The following TNIP1 variants were observed in gnomAD, a reference collection of about 807,000 sequenced individuals.
TNIP1 encodes TNFAIP3 interacting protein 1, also known as TNFAIP3-interacting protein 1.
In TNIP1, 22 loss-of-function variants were observed where a neutral mutation model predicts 86.6. That is an observed-to-expected ratio of 0.25 (90% CI 0.18 to 0.36). TNIP1 has a LOEUF of 0.36. Among genes scored for constraint, TNIP1 ranks in the 10% least tolerant of loss-of-function variants. The pLI is 1.00. For synonymous variants in TNIP1, 294 were observed against 313.0 expected (o/e 0.94, Z 0.64); for missense variants, 709 against 820.6 (o/e 0.86, Z 1.66).
intron 11 of TNIP1, among the ~76,000 whole-genome samples, chr5:151,039,839 T>C (rs986927776): frequency 1.4e-4 from 21 of 152,174 alleles, no homozygotes; most frequent in African/African-American, 4.6e-4. Flanking sequence ...AACAAAATAC[T>C]GTGGGGCTAA....
Position 151,035,664 on chromosome 5 carries a change from C to T in TNIP1, c.1439G>A (p.Arg480His). The change falls in exon 14 of 18, where the codon CGT (arginine) becomes CAT (histidine). Residue 480 changes from arginine (R) to histidine (H), a missense_variant. Transcript: ENST00000521591. The part of the protein sequence containing the change: ...EEDFQRERSD[R>H]ERMNEEKEEL... ...TTCCTTCTCCTCATTCATGCGCTCACGATCACTGCGCTCCCTCTGGAAGTC... is the reference window on the plus strand; with the variant it reads ...TTCCTTCTCCTCATTCATGCGCTCATGATCACTGCGCTCCCTCTGGAAGTC... The T allele has an allele frequency of 1.2e-6, 2 of 1,614,156 alleles. No individual in the cohort carries two copies. Among genetic ancestry groups the T allele is most frequent in the Non-Finnish European group, 8.5e-7 (1 of 1,180,034 alleles).
rs573251622 is a variant in TNIP1, at chr5:151,030,260, G to A, written c.*453C>T. ...CCACAGCTCCTCACAGAGGGGTAGG[G>A]GTGTGCGTGGGGCAGGTCCTGCTAC... On this transcript the variant is annotated 3_prime_UTR_variant, in exon 18 of 18. Transcript: ENST00000521591. 42 of 412,536 alleles carry A rather than the reference G, an allele frequency of 1.0e-4. No individual in the cohort carries two copies. The highest frequency in any genetic ancestry group is 8.5e-4 in the African/African-American group (42 of 49,164). 25.6% of individuals were successfully genotyped at this position (412,536 alleles called of 1,614,324 possible).
chr5:151,035,852 G>C (rs1757631502), intron 13 of TNIP1, 145 bp from the exon 14 acceptor site: 1 of 957,160 alleles, frequency 1.0e-6, no homozygotes, highest in Non-Finnish European at 1.5e-6. Flanking sequence ...TACACCTCCA[G>C]CCTCCACCTT....
chr5:151,035,503 T>C (rs1757579393), intron 14 of TNIP1, 79 bp downstream of exon 14: 2 of 1,602,586 alleles, frequency 1.2e-6, no homozygotes. Context: ...ACATCCAGCC[T>C]CACCAGGGCC....
At chr5:151,050,359 G>C (rs901883352) in intron 7 of TNIP1, among the ~76,000 whole-genome samples, 2 of 152,142 alleles carry the variant, frequency 1.3e-5, no homozygotes, top group African/African-American at 4.8e-5. Flanking sequence ...AGTTTCCCTC[G>C]TTAACACAGA....
At chr5:151,033,127 CAA>C (rs11375507) in intron 16 of TNIP1, among the ~76,000 whole-genome samples, 3 of 78,758 alleles carry the variant, frequency 3.8e-5, no homozygotes, top group South Asian at 6.2e-4. Context: ...AATTCCATCT[CAA>C]AAAAAAAAAA....
intron 8 of TNIP1, among the ~76,000 whole-genome samples, chr5:151,047,062 C>T (rs73270690): frequency 0.019 from 2,840 of 152,062 alleles, 81 homozygotes; most frequent in African/African-American, 0.06. Context: ...CTAAGTTTCT[C>T]CTCAAAAATA....
At chr5:151,062,075 G>T in intron 4 of TNIP1, 52 bp downstream of exon 4, 1 of 1,501,076 alleles carries the variant, frequency 6.7e-7, no homozygotes, top group South Asian at 1.1e-5. Context: ...CTGTCAGTAG[G>T]ACTTGAGGTC....
intron 16 of TNIP1, chr5:151,033,337 A>T (rs1581717184): frequency 5.7e-6 from 2 of 351,380 alleles, no homozygotes; most frequent in East Asian, 8.8e-5. Context: ...GCCTGGAGGG[A>T]GTCCTCCTTC....
upstream of TNIP1, among the ~76,000 whole-genome samples, chr5:151,082,844 C>T (rs968357824): frequency 2.0e-5 from 3 of 152,206 alleles, no homozygotes; most frequent in African/African-American, 7.2e-5. Context: ...CGTGACTGCC[C>T]CCACCTCTTC....
chr5:151,060,293 C>T (rs770644557), intron 5 of TNIP1, 25 bp downstream of exon 5: 2 of 1,613,364 alleles, frequency 1.2e-6, no homozygotes, highest in Admixed American at 3.3e-5. Context: ...GCAGGTCAAG[C>T]CCGGGGTCCT....
At chr5:151,054,740 C>T (rs988889087) in intron 6 of TNIP1, among the ~76,000 whole-genome samples, 7 of 152,194 alleles carry the variant, frequency 4.6e-5, no homozygotes, top group Non-Finnish European at 8.8e-5. Flanking sequence ...CAATGCCTAG[C>T]AGAGAGCCTT....
At chr5:151,064,088 C>T (rs900521162) in intron 2 of TNIP1, among the ~76,000 whole-genome samples, 4 of 152,214 alleles carry the variant, frequency 2.6e-5, no homozygotes, top group Non-Finnish European at 5.9e-5. Context: ...GGCTCCCCCA[C>T]CCTACGGGCT....
At position 151,035,658 on chromosome 5, in the gene TNIP1, C is replaced by T. The variant is rs759431804; in HGVS notation, c.1445G>A (p.Arg482His). ...CAGCTCTTCCTTCTCCTCATTCATG[C>T]GCTCACGATCACTGCGCTCCCTCTG... ...DFQRERSDRE[R>H]MNEEKEELKK... Residue 482 changes from arginine (R) to histidine (H), a missense_variant, in exon 14 of 18, where the codon CGC becomes CAC. Coordinates refer to ENST00000521591, the MANE Select transcript of TNIP1 (RefSeq NM_006058.5). 1.7e-5 allele frequency: 28 copies of T among 1,614,056 alleles called. No homozygotes were observed. The highest frequency in any genetic ancestry group is 1.9e-5 in the Non-Finnish European group (23 of 1,180,050).
chr5:151,085,340 C>G (rs2161360), upstream of TNIP1, among the ~76,000 whole-genome samples: 79,955 of 151,660 alleles, frequency 0.53, 21,908 homozygotes, highest in East Asian at 0.73. Context: ...TTATGATCAT[C>G]AATTCTATGA....
intron 1 of TNIP1, among the ~76,000 whole-genome samples, chr5:151,079,774 T>C (rs1053170016): frequency 3.9e-4 from 59 of 152,230 alleles, no homozygotes; most frequent in Admixed American, 3.1e-3. Context: ...ACTAATATTC[T>C]ACCCTCCTAA....
At chr5:151,065,267 G>T in intron 1 of TNIP1, 136 bp from the exon 2 acceptor site, 1 of 696,488 alleles carries the variant, frequency 1.4e-6, no homozygotes, top group Non-Finnish European at 2.3e-6. Flanking sequence ...TAGTAAAGCA[G>T]GACAGTCACC....
chr5:151,063,621 T>C lies in TNIP1; in HGVS notation c.263A>G (p.Glu88Gly), dbSNP rs1471359055. Residue 88 changes from glutamate (E) to glycine (G), a missense_variant, in exon 3 of 18, where the codon GAG becomes GGG. Coordinates refer to ENST00000521591, the MANE Select transcript of TNIP1 (RefSeq NM_006058.5). ...CCAGACTCCTCTTATACCTGTGAGC[T>C]CAGCCAGGGGGTCGAAGGAGCCCAA... ...PSLGSFDPLA[E>G]LTGKDSNVTA... 1.9e-6 allele frequency: 3 copies of C among 1,613,898 alleles called. No homozygotes were observed. Among genetic ancestry groups the C allele is most frequent in the Non-Finnish European group, 2.5e-6 (3 of 1,179,962 alleles).
At chr5:151,041,140 A>G (rs1405373526) in intron 11 of TNIP1, among the ~76,000 whole-genome samples, 4 of 149,684 alleles carry the variant, frequency 2.7e-5, no homozygotes, top group African/African-American at 9.9e-5. Context: ...ACACAATCTC[A>G]GCTCACTGCA....
Sources: gnomAD v4.1 joint callset for allele counts (sites outside exome capture counted in the v4.1 genomes callset) on GRCh38, gnomAD v4.1.1 for gene constraint, MANE v1.5 for transcripts, NCBI Gene and HGNC (gene_info 2026-07-23, HGNC 2026-07-21) for gene names.